Variants in NRXN1 observed in about 807,000 individuals in gnomAD.
NRXN1 encodes the protein neurexin 1, also known as neurexin-1.
NRXN1 carries 39 observed loss-of-function variants against 150.9 expected under a neutral mutation model. The observed-to-expected ratio is 0.26, with a 90% CI of 0.20 to 0.34. The LOEUF (loss-of-function observed/expected upper bound fraction) is 0.34, where lower values mean the gene tolerates loss of function less well. Ranked by LOEUF, NRXN1 falls within the 10% of genes least tolerant of loss-of-function variation. NRXN1 has a pLI of 1.00. For missense variants in NRXN1, 1,815 were observed against 1,949.9 expected, an observed-to-expected ratio of 0.93 and a Z score of 1.30; for synonymous variants, 924 against 757.0, an observed-to-expected ratio of 1.22 and a Z score of -3.62.
At chr2:49,925,443 C>T (rs945115588) in intron 22 of NRXN1, among the ~76,000 whole-genome samples, 4 of 152,000 alleles carry the variant, frequency 2.6e-5, no homozygotes, top group African/African-American at 9.7e-5. Flanking sequence ...ACTGAGAAAT[C>T]TCTGATGAAA....
intron 17 of NRXN1, among the ~76,000 whole-genome samples, chr2:50,375,569 GA>G (rs1273988979): frequency 6.7e-6 from 1 of 148,242 alleles, no homozygotes; most frequent in Non-Finnish European, 1.5e-5. Context: ...TGAAACTATA[GA>G]AAAAAATTAG....
chr2:50,963,646 C>G (rs954250677), intron 2 of NRXN1, among the ~76,000 whole-genome samples: 48 of 151,624 alleles, frequency 3.2e-4, no homozygotes, highest in African/African-American at 1.1e-3. Flanking sequence ...GAGGAAGACA[C>G]CAGCATTGAC....
chr2:50,959,644 T>A (rs76565280), intron 2 of NRXN1, among the ~76,000 whole-genome samples: 1,571 of 152,084 alleles, frequency 0.01, 21 homozygotes, highest in Non-Finnish European at 0.017. Flanking sequence ...TTTTGGATAA[T>A]GAAAATATTC....
chr2:50,581,170 A>C (rs567944702), intron 8 of NRXN1, among the ~76,000 whole-genome samples: 1 of 152,166 alleles, frequency 6.6e-6, no homozygotes, highest in Non-Finnish European at 1.5e-5. Flanking sequence ...ATTTTTGTCT[A>C]TCTGCTGTAT....
intron 18 of NRXN1, among the ~76,000 whole-genome samples, chr2:50,157,194 C>T (rs2152780213): frequency 6.6e-6 from 1 of 152,052 alleles, no homozygotes; most frequent in South Asian, 2.1e-4. Flanking sequence ...GTCTCTAAGG[C>T]TACTGACATT....
At chr2:50,483,081 G>A (rs1322758061) in intron 15 of NRXN1, among the ~76,000 whole-genome samples, 1 of 146,436 alleles carries the variant, frequency 6.8e-6, no homozygotes, top group Non-Finnish European at 1.5e-5. Flanking sequence ...AAAGGAATCT[G>A]GCCACCAAAA....
At chr2:50,609,161 A>G (rs982861192) in intron 8 of NRXN1, among the ~76,000 whole-genome samples, 10 of 152,260 alleles carry the variant, frequency 6.6e-5, no homozygotes, top group African/African-American at 2.4e-4. Context: ...TTTTCTCACA[A>G]AGCTCTTAGA....
chr2:50,732,496 T>G (rs928389308), intron 5 of NRXN1, among the ~76,000 whole-genome samples: 2 of 152,274 alleles, frequency 1.3e-5, no homozygotes, highest in African/African-American at 4.8e-5. Context: ...GAATGAAACA[T>G]CAGGTATTTA....
intron 5 of NRXN1, among the ~76,000 whole-genome samples, chr2:50,832,907 T>C (rs1002198145): frequency 2.6e-5 from 4 of 152,202 alleles, no homozygotes. Context: ...GAAAATATTT[T>C]CAAATCACAA....
chr2:49,991,053 GA>G (rs1323640026), intron 21 of NRXN1, among the ~76,000 whole-genome samples: 2 of 151,732 alleles, frequency 1.3e-5, no homozygotes, highest in African/African-American at 2.4e-5. Context: ...AATAAATTTG[GA>G]AAAAAATAAA....
At chr2:51,003,431 A>G (rs1012203000) in intron 2 of NRXN1, among the ~76,000 whole-genome samples, 15 of 152,050 alleles carry the variant, frequency 9.9e-5, no homozygotes, top group African/African-American at 3.6e-4. Flanking sequence ...GAGATAAATT[A>G]TGGTGCCTAT....
intron 2 of NRXN1, among the ~76,000 whole-genome samples, chr2:50,952,479 G>A (rs1691554368): frequency 6.6e-6 from 1 of 151,844 alleles, no homozygotes; most frequent in South Asian, 2.1e-4. Context: ...TGTTTGTCAT[G>A]CCCAATTATT....
chr2:50,403,436 T>C (rs1005988035), intron 17 of NRXN1, among the ~76,000 whole-genome samples: 5 of 152,136 alleles, frequency 3.3e-5, no homozygotes, highest in Admixed American at 6.5e-5. Flanking sequence ...AATTCTTACA[T>C]ATGTTCAGGT....
At chr2:50,998,701 T>C (rs1388084603) in intron 2 of NRXN1, among the ~76,000 whole-genome samples, 1 of 152,080 alleles carries the variant, frequency 6.6e-6, no homozygotes, top group South Asian at 2.1e-4. Flanking sequence ...TAAAATGGTA[T>C]TGATGACAGA....
At chr2:49,933,294 G>A (rs894162732) in intron 22 of NRXN1, among the ~76,000 whole-genome samples, 3 of 152,040 alleles carry the variant, frequency 2.0e-5, no homozygotes, top group Non-Finnish European at 4.4e-5. Flanking sequence ...CACCGTGTTA[G>A]CCAGGATGGT....
intron 17 of NRXN1, among the ~76,000 whole-genome samples, chr2:50,272,069 T>C (rs1337928157): frequency 6.6e-6 from 1 of 152,098 alleles, no homozygotes; most frequent in Non-Finnish European, 1.5e-5. Flanking sequence ...GGGAAATGGG[T>C]GTGAGGACAA....
intron 5 of NRXN1, among the ~76,000 whole-genome samples, chr2:50,657,139 C>A (rs1322803650): frequency 6.6e-6 from 1 of 151,978 alleles, no homozygotes; most frequent in Non-Finnish European, 1.5e-5. Flanking sequence ...TCTGGTCCAC[C>A]ATTTCATCTG....
At chr2:50,798,502 T>C (rs1035867150) in intron 5 of NRXN1, among the ~76,000 whole-genome samples, 25 of 152,146 alleles carry the variant, frequency 1.6e-4, no homozygotes, top group Non-Finnish European at 2.2e-4. Context: ...TCATATTCCA[T>C]GGACCCTTAA....
intron 17 of NRXN1, among the ~76,000 whole-genome samples, chr2:50,270,942 A>G (rs1436752923): frequency 6.6e-6 from 1 of 152,164 alleles, no homozygotes; most frequent in African/African-American, 2.4e-5. Flanking sequence ...TACAGGCATG[A>G]GCCACTATGC....
Sources: gnomAD v4.1 joint callset for allele counts (sites outside exome capture counted in the v4.1 genomes callset) on GRCh38, gnomAD v4.1.1 for gene constraint, MANE v1.5 for transcripts, NCBI Gene and HGNC (gene_info 2026-07-23, HGNC 2026-07-21) for gene names.